AGBL4: variants seen among roughly 807,000 people sequenced by gnomAD.
AGBL4 encodes AGBL carboxypeptidase 4.
Under a neutral mutation model 66.4 loss-of-function variants are expected in AGBL4, and 58 were observed. That is an observed-to-expected ratio of 0.87 (90% CI 0.71 to 1.09). AGBL4 has a LOEUF of 1.09. Ranked by LOEUF, AGBL4 falls within the 50% of genes least tolerant of loss-of-function variation. The pLI, the probability that AGBL4 is intolerant of heterozygous loss-of-function variation, is 0.00. For synonymous variants in AGBL4, 234 were observed against 222.9 expected (o/e 1.05, Z -0.44); for missense variants, 579 against 631.0 (o/e 0.92, Z 0.88).
At chr1:49,364,085 G>C (rs966464209) in intron 3 of AGBL4, among the ~76,000 whole-genome samples, 4 of 152,208 alleles carry the variant, frequency 2.6e-5, no homozygotes, top group Non-Finnish European at 5.9e-5. Flanking sequence ...TGTAGGCAGA[G>C]AACAGAGTTG....
intron 9 of AGBL4, among the ~76,000 whole-genome samples, chr1:48,624,095 G>T (rs1439551715): frequency 1.3e-5 from 2 of 152,206 alleles, no homozygotes; most frequent in African/African-American, 4.8e-5. Context: ...GAATCTGTGG[G>T]TTTCTGATGG....
chr1:49,087,475 G>A (rs1557630036), intron 4 of AGBL4, among the ~76,000 whole-genome samples: 2 of 152,206 alleles, frequency 1.3e-5, no homozygotes, highest in African/African-American at 4.8e-5. Flanking sequence ...TGACCATGCT[G>A]AGGAAAGAAT....
chr1:49,699,651 T>C (rs1352098964), intron 2 of AGBL4, among the ~76,000 whole-genome samples: 1 of 151,892 alleles, frequency 6.6e-6, no homozygotes, highest in Non-Finnish European at 1.5e-5. Context: ...AAGAAAAATA[T>C]TGCATGACTT....
chr1:49,950,007 T>TACACAC (rs1236947535), intron 1 of AGBL4, among the ~76,000 whole-genome samples: 2 of 75,400 alleles, frequency 2.7e-5, no homozygotes, highest in Non-Finnish European at 5.9e-5. Flanking sequence ...TGTATATATA[T>TACACAC]ATACACACAC....
chr1:49,079,504 A>C (rs181034625), intron 4 of AGBL4, among the ~76,000 whole-genome samples: 53 of 152,266 alleles, frequency 3.5e-4, no homozygotes, highest in African/African-American at 1.1e-3. Context: ...CTCACTCACT[A>C]TCATGAGAAC....
intron 1 of AGBL4, among the ~76,000 whole-genome samples, chr1:49,886,928 TC>T (rs1025896663): frequency 1.5e-4 from 23 of 152,172 alleles, no homozygotes; most frequent in African/African-American, 5.3e-4. Flanking sequence ...TTCAAAGAGT[TC>T]CAGCACAATG....
chr1:49,469,580 A>G (rs1458567316), intron 3 of AGBL4, among the ~76,000 whole-genome samples: 2 of 151,938 alleles, frequency 1.3e-5, no homozygotes, highest in Non-Finnish European at 2.9e-5. Flanking sequence ...CATTTATACC[A>G]AAGATGACCA....
At chr1:49,061,218 A>T (rs989398412) in intron 4 of AGBL4, among the ~76,000 whole-genome samples, 2 of 152,148 alleles carry the variant, frequency 1.3e-5, no homozygotes, top group Admixed American at 6.5e-5. Flanking sequence ...AGCAGAGATG[A>T]CATACCATGT....
chr1:49,594,368 T>A (rs533892920), intron 3 of AGBL4, among the ~76,000 whole-genome samples: 1 of 152,330 alleles, frequency 6.6e-6, no homozygotes, highest in East Asian at 1.9e-4. Context: ...TTTTAAACTT[T>A]AAGTTCAGGG....
intron 4 of AGBL4, chr1:49,187,636 T>G (rs1297265452): frequency 6.6e-6 from 1 of 152,118 alleles, no homozygotes; most frequent in East Asian, 1.9e-4. Flanking sequence ...TGCTTAAAAT[T>G]CTTCAATGGA....
At chr1:49,320,455 A>T (rs1427423627) in intron 3 of AGBL4, among the ~76,000 whole-genome samples, 1 of 152,130 alleles carries the variant, frequency 6.6e-6, no homozygotes, top group Admixed American at 6.6e-5. Context: ...AGAAGAAGAA[A>T]ATGACTTTTA....
chr1:49,400,215 T>G (rs1645055044), intron 3 of AGBL4, among the ~76,000 whole-genome samples: 1 of 152,120 alleles, frequency 6.6e-6, no homozygotes, highest in African/African-American at 2.4e-5. Context: ...GTTTCTGGGT[T>G]CTCTATTATG....
At chr1:48,537,768 T>C (rs184290178) in intron 12 of AGBL4, among the ~76,000 whole-genome samples, 2 of 152,344 alleles carry the variant, frequency 1.3e-5, no homozygotes, top group African/African-American at 4.8e-5. Context: ...CAAATTAACT[T>C]GTAAATGAGA....
chr1:49,870,445 G>A (rs1279826751), intron 1 of AGBL4, among the ~76,000 whole-genome samples: 3 of 150,932 alleles, frequency 2.0e-5, no homozygotes, highest in East Asian at 1.9e-4. Context: ...AGTATAATTC[G>A]ATTATTTGTA....
intron 5 of AGBL4, among the ~76,000 whole-genome samples, chr1:48,937,420 T>C (rs1351560048): frequency 1.3e-5 from 2 of 152,022 alleles, no homozygotes; most frequent in Non-Finnish European, 1.5e-5. Flanking sequence ...GTTTCATAGA[T>C]TTTTTCTTCC....
At chr1:49,972,267 C>T (rs998474384) in intron 1 of AGBL4, among the ~76,000 whole-genome samples, 4 of 151,868 alleles carry the variant, frequency 2.6e-5, no homozygotes, top group Non-Finnish European at 5.9e-5. Context: ...TACTCATCAC[C>T]CTAACAGTGA....
chr1:49,232,647 C>T (rs966962531), intron 4 of AGBL4, among the ~76,000 whole-genome samples: 6 of 151,032 alleles, frequency 4.0e-5, no homozygotes, highest in African/African-American at 7.3e-5. Context: ...TACAGTGAGC[C>T]GAGATGGTGC....
intron 6 of AGBL4, among the ~76,000 whole-genome samples, chr1:48,737,857 A>C (rs1487254384): frequency 6.6e-6 from 1 of 152,268 alleles, no homozygotes; most frequent in Non-Finnish European, 1.5e-5. Flanking sequence ...GAAGGGACGA[A>C]ATGGCCTCTG....
At chr1:49,184,104 T>C (rs1039341377) in intron 4 of AGBL4, among the ~76,000 whole-genome samples, 1 of 152,096 alleles carries the variant, frequency 6.6e-6, no homozygotes, top group African/African-American at 2.4e-5. Flanking sequence ...AAAACTAACA[T>C]TTACAAGGTG....
Sources: gnomAD v4.1 joint callset for allele counts (sites outside exome capture counted in the v4.1 genomes callset) on GRCh38, gnomAD v4.1.1 for gene constraint, MANE v1.5 for transcripts, NCBI Gene and HGNC (gene_info 2026-07-23, HGNC 2026-07-21) for gene names.